Variants in PYGL observed in about 807,000 individuals in gnomAD.
PYGL encodes glycogen phosphorylase, liver form.
Under a neutral mutation model 100.1 loss-of-function variants are expected in PYGL, and 90 were observed. The ratio of observed to expected loss-of-function variants is 0.90; its 90% CI spans 0.76 to 1.07. The LOEUF is 1.07. Among genes scored for constraint, PYGL ranks in the 50% least tolerant of loss-of-function variants. The pLI is 0.00. For synonymous variants in PYGL, 373 were observed against 393.0 expected (o/e 0.95, Z 0.60); for missense variants, 1,016 against 1,057.6 (o/e 0.96, Z 0.55).
Position 50,923,687 on chromosome 14 carries a change from C to CAAAAAA in PYGL, c.660+276_660+281dup, listed in dbSNP as rs762951824. On this transcript the variant is annotated intron_variant, in intron 5 of 19. Transcript: ENST00000216392. Reference sequence around the variant, plus strand: ...TACTATAGAACTGACAATTTTCTGGCAAAAAAAAAAAAAAAAAAAAAAGAA... The same window carrying CAAAAAA: ...TACTATAGAACTGACAATTTTCTGGCAAAAAAAAAAAAAAAAAAAAAAAAAAAAGAA... The CAAAAAA allele has an allele frequency of 4.0e-4, 48 of 119,564 alleles. 2 individuals are homozygous for CAAAAAA. Among genetic ancestry groups the CAAAAAA allele is most frequent in the East Asian group, 9.3e-4 (4 of 4,284 alleles). The allele number at this position is 119,564 out of a possible 1,614,324, so 7.4% of individuals were successfully genotyped here.
At position 50,905,366 on chromosome 14, in the gene PYGL, A is replaced by G. The variant is rs2050320426; in HGVS notation, c.*26T>C. 1 of 1,577,944 alleles carries G rather than the reference A, an allele frequency of 6.3e-7. No individual in the cohort carries two copies. Among genetic ancestry groups the G allele is most frequent in the Non-Finnish European group, 8.6e-7 (1 of 1,158,438 alleles). On this transcript the variant is annotated 3_prime_UTR_variant, in exon 20 of 20. Transcript: ENST00000216392. Reference sequence around the variant, plus strand: ...AAATGTTCAAGTTCAGTAAGAAGCTATGTTTTCTAGAGACAATTCTAGAGT... The same window carrying G: ...AAATGTTCAAGTTCAGTAAGAAGCTGTGTTTTCTAGAGACAATTCTAGAGT...
At chr14:50,937,943 G>C in intron 1 of PYGL, 106 bp from the exon 2 acceptor site, 1 of 1,012,208 alleles carries the variant, frequency 9.9e-7, no homozygotes, top group East Asian at 2.5e-5. Flanking sequence ...CAAACAGGCA[G>C]GACTATGTCA....
In PYGL at chr14:50,913,011, CA is replaced by C. The variant is rs758555254; in HGVS notation, c.1620+17del. 1.9e-6 allele frequency: 3 copies of C among 1,612,570 alleles called. No homozygotes were observed. Among genetic ancestry groups the C allele is most frequent in the Non-Finnish European group, 1.7e-6 (2 of 1,178,698 alleles). On this transcript the variant is annotated intron_variant, in intron 13 of 19. Coordinates refer to ENST00000216392, the MANE Select transcript of PYGL (RefSeq NM_002863.5). ...CACAGTGAGTGCCCAGGAGGGGACC[CA>C]CACCTGGAAGGCTCACCTGCTTCAC...
At position 50,915,979 on chromosome 14, in the gene PYGL, A is replaced by G. The variant is rs2142797212; in HGVS notation, c.1093-8T>C. 2 of 1,613,828 alleles carry G rather than the reference A, an allele frequency of 1.2e-6. No homozygotes were observed. Among genetic ancestry groups the G allele is most frequent in the East Asian group, 2.2e-5 (1 of 44,878 alleles). ...CTGGGTGAGCTCCCATGCCTGGGGG[A>G]AAGGAAGGAGTCAGCTGCTTGCCCT... is the stretch of plus-strand genomic sequence containing the variant. On this transcript the variant is annotated splice_region_variant and splice_polypyrimidine_tract_variant and intron_variant, in intron 9 of 19. Transcript: ENST00000216392.
chr14:50,928,289 A>C (rs2050572060), intron 4 of PYGL, among the ~76,000 whole-genome samples: 1 of 152,200 alleles, frequency 6.6e-6, no homozygotes, highest in African/African-American at 2.4e-5. Flanking sequence ...GAGCCCATGA[A>C]CTTGGCTTTC....
chr14:50,918,812 G>C (rs1350299892), intron 7 of PYGL, among the ~76,000 whole-genome samples: 2 of 152,148 alleles, frequency 1.3e-5, no homozygotes, highest in Non-Finnish European at 1.5e-5. Context: ...ATTTTAAAAT[G>C]ATGAGCACCC....
At chr14:50,943,875 G>T (rs2050723251) in intron 1 of PYGL, among the ~76,000 whole-genome samples, 1 of 152,224 alleles carries the variant, frequency 6.6e-6, no homozygotes, top group African/African-American at 2.4e-5. Flanking sequence ...GGCGAGAGGG[G>T]CCTGGGCTTT....
At chr14:50,916,592 C>T in intron 9 of PYGL, 50 bp downstream of exon 9, 1 of 1,515,104 alleles carries the variant, frequency 6.6e-7, no homozygotes, top group Non-Finnish European at 9.2e-7. Context: ...AGTCTTTCAA[C>T]TGCAGCCATT....
intron 17 of PYGL, among the ~76,000 whole-genome samples, chr14:50,909,604 C>T (rs2050371891): frequency 6.6e-6 from 1 of 152,166 alleles, no homozygotes; most frequent in African/African-American, 2.4e-5. Context: ...ATCTTTTGAT[C>T]AAAGTAAAAA....
intron 18 of PYGL, 122 bp from the exon 19 acceptor site, chr14:50,908,459 A>G (rs1306615410): frequency 8.5e-6 from 8 of 946,246 alleles, no homozygotes; most frequent in Non-Finnish European, 1.2e-5. Flanking sequence ...TACCAAATTC[A>G]TATTTCTGTT....
chr14:50,909,767 T>C, intron 17 of PYGL, 128 bp downstream of exon 17: 1 of 1,044,846 alleles, frequency 9.6e-7, no homozygotes, highest in Non-Finnish European at 1.5e-6. Context: ...GTGGGAGATG[T>C]TCTGCTGCCA....
chr14:50,909,498 T>C (rs1321785424), intron 17 of PYGL, among the ~76,000 whole-genome samples: 1 of 152,246 alleles, frequency 6.6e-6, no homozygotes, highest in Non-Finnish European at 1.5e-5. Context: ...CCCGTATCTA[T>C]TCTCTATCAC....
chr14:50,913,004 G>A (rs1471141106), intron 13 of PYGL, 25 bp downstream of exon 13: 7 of 1,605,728 alleles, frequency 4.4e-6, no homozygotes, highest in Non-Finnish European at 1.7e-6. Context: ...GTGCCCAGGA[G>A]GGGACCCACA....
intron 7 of PYGL, among the ~76,000 whole-genome samples, chr14:50,917,419 C>T (rs563019912): frequency 6.6e-6 from 1 of 152,332 alleles, no homozygotes; most frequent in South Asian, 2.1e-4. Flanking sequence ...CAGCCAAATC[C>T]TGACCTGGTA....
chr14:50,930,975 A>T (rs1282652348), intron 4 of PYGL, among the ~76,000 whole-genome samples: 1 of 152,190 alleles, frequency 6.6e-6, no homozygotes, highest in Non-Finnish European at 1.5e-5. Context: ...ATATAAAGTA[A>T]AAGTAGTGTC....
At chr14:50,906,631 CT>C (rs1186472925) in intron 19 of PYGL, among the ~76,000 whole-genome samples, 1 of 152,186 alleles carries the variant, frequency 6.6e-6, no homozygotes, top group African/African-American at 2.4e-5. Flanking sequence ...CACATTTGTC[CT>C]TGCCCTTGTT....
In PYGL at chr14:50,931,687, G is replaced by A. The variant is rs2050602182; in HGVS notation, c.514C>T (p.Arg172Ter). ...YEYGIFNQKI[R>*]DGWQVEEADD... ...GGCTCACACACCTGCCATCCATCTC[G>A]GATCTTCTGATTGAAAATCCCATAT... Residue 172 changes from arginine (R) to a stop codon, truncating the protein, a stop_gained, in exon 4 of 20, where the codon CGA becomes TGA. Transcript: ENST00000216392. LOFTEE classifies it high-confidence loss of function. The A allele has an allele frequency of 3.1e-6, 5 of 1,613,420 alleles. No homozygotes were observed. In the South Asian group the frequency reaches 3.3e-5, roughly 11 times the overall value.
intron 17 of PYGL, 145 bp from the exon 18 acceptor site, chr14:50,909,100 A>G (rs2050364712): frequency 2.2e-6 from 2 of 919,944 alleles, no homozygotes. Flanking sequence ...TTTCACCATG[A>G]GTATATATAA....
intron 16 of PYGL, among the ~76,000 whole-genome samples, chr14:50,911,261 C>T (rs1183428319): frequency 6.6e-6 from 1 of 152,254 alleles, no homozygotes; most frequent in African/African-American, 2.4e-5. Context: ...ATGTGAGGCA[C>T]ATCTAAGCCT....
Sources: allele counts gnomAD v4.1 joint callset (sites outside exome capture counted in the v4.1 genomes callset), GRCh38; gene constraint gnomAD v4.1.1; transcripts MANE v1.5; gene names NCBI Gene and HGNC (gene_info 2026-07-23, HGNC 2026-07-21).